EML5: variants seen among roughly 807,000 people sequenced by gnomAD.
The protein encoded by EML5 is EMAP like 5, also known as echinoderm microtubule-associated protein-like 5.
EML5 carries 120 observed loss-of-function variants against 250.0 expected under a neutral mutation model. The observed-to-expected ratio is 0.48, with a 90% CI of 0.41 to 0.56. The LOEUF (loss-of-function observed/expected upper bound fraction) is 0.56, where lower values mean the gene tolerates loss of function less well. Ranked by LOEUF, EML5 falls within the 20% of genes least tolerant of loss-of-function variation. The pLI is 0.00. For missense variants in EML5, 2,006 were observed against 2,437.6 expected (o/e 0.82, Z 3.73); for synonymous variants, 771 against 806.5 (o/e 0.96, Z 0.75).
At chr14:88,660,014 G>A (rs1022607290) in intron 25 of EML5, among the ~76,000 whole-genome samples, 1 of 151,982 alleles carries the variant, frequency 6.6e-6, no homozygotes, top group South Asian at 2.1e-4. Context: ...AGTGACTCGC[G>A]CCTGTAATCC....
chr14:88,646,691 C>T (rs2091365345), intron 29 of EML5, among the ~76,000 whole-genome samples: 1 of 151,776 alleles, frequency 6.6e-6, no homozygotes, highest in South Asian at 2.1e-4. Context: ...TATATCATTG[C>T]TGAAAATAAA....
intron 31 of EML5, among the ~76,000 whole-genome samples, chr14:88,640,200 A>C (rs2090982352): frequency 6.6e-6 from 1 of 152,196 alleles, no homozygotes. Flanking sequence ...TCAATACTTG[A>C]CCAATTGGAC....
chr14:88,685,628 T>C (rs764368668), intron 19 of EML5, among the ~76,000 whole-genome samples: 12 of 152,050 alleles, frequency 7.9e-5, no homozygotes, highest in African/African-American at 1.2e-4. Flanking sequence ...TATTTTTTTT[T>C]TCAGTAGGGT....
chr14:88,617,079 T>G (rs1400670858), intron 41 of EML5, 200 bp from the exon 42 acceptor site: 2 of 460,900 alleles, frequency 4.3e-6, no homozygotes, highest in African/African-American at 3.9e-5. Context: ...ATTTTATAAT[T>G]TGAAGGGTTT....
rs1392733552 is a variant in EML5 at position 88,622,609 on chromosome 14, C to G, written c.5008G>C (p.Gly1670Arg). ...ATDCVRSVCR[G>R]KGKILVGTRN... is the part of the protein sequence containing the mutation. ...CAGCTCATGGAACATCTTACTTTGCCTCTGCACACAGAACGAACACAATCT... is the reference window on the plus strand; with the variant it reads ...CAGCTCATGGAACATCTTACTTTGCGTCTGCACACAGAACGAACACAATCT... The change falls in exon 37 of 44, where the codon GGC becomes CGC. Residue 1670 changes from glycine to arginine, a missense_variant. Coordinates refer to ENST00000554922, the MANE Select transcript of EML5 (RefSeq NM_183387.3). 6.2e-7 allele frequency: 1 copy of G among 1,600,448 alleles called. No individual in the cohort carries two copies. The highest frequency in any genetic ancestry group is 1.1e-5 in the South Asian group (1 of 88,212).
intron 21 of EML5, among the ~76,000 whole-genome samples, chr14:88,677,871 T>C (rs1245792162): frequency 1.3e-5 from 2 of 152,178 alleles, no homozygotes; most frequent in Non-Finnish European, 2.9e-5. Context: ...GCTCAACCAT[T>C]GTGGAAGACG....
intron 34 of EML5, 79 bp from the exon 35 acceptor site, chr14:88,627,125 C>T: frequency 6.9e-7 from 1 of 1,456,814 alleles, no homozygotes; most frequent in Non-Finnish European, 9.5e-7. Context: ...ATGTAAAATA[C>T]ATAGTTCAAA....
chr14:88,654,138 C>T (rs1453204993), intron 27 of EML5, among the ~76,000 whole-genome samples: 2 of 152,116 alleles, frequency 1.3e-5, no homozygotes, highest in African/African-American at 2.4e-5. Flanking sequence ...TCCTCTTTAA[C>T]ATTTTTTATT....
chr14:88,661,262 T>C (rs561704774), intron 25 of EML5, among the ~76,000 whole-genome samples: 5 of 152,240 alleles, frequency 3.3e-5, no homozygotes, highest in African/African-American at 1.2e-4. Flanking sequence ...CTAATTTTTT[T>C]CTCTGTTTTG....
intron 1 of EML5, among the ~76,000 whole-genome samples, chr14:88,783,826 G>C (rs1164303598): frequency 2.6e-5 from 4 of 152,140 alleles, no homozygotes; most frequent in Admixed American, 2.6e-4. Flanking sequence ...ATAGATATTT[G>C]CAGAATATTT....
At chr14:88,779,872 T>G (rs914099260) in intron 1 of EML5, among the ~76,000 whole-genome samples, 1 of 152,174 alleles carries the variant, frequency 6.6e-6, no homozygotes, top group African/African-American at 2.4e-5. Context: ...CATTTCCAAT[T>G]CAAATCCAGA....
At position 88,685,068 on chromosome 14, in the gene EML5, T is replaced by C. The variant is rs757581221; in HGVS notation, c.2929A>G (p.Asn977Asp). Residue 977 changes from asparagine to aspartate, a missense_variant, in exon 20 of 44, where the codon AAT becomes GAT. Physicochemically the swap from Asn to Asp is conservative, Grantham distance 23. Coordinates refer to ENST00000554922, the MANE Select transcript of EML5 (RefSeq NM_183387.3). ...GHGHILVGTK[N>D]GEILEVDKSG... The stretch of plus-strand genomic sequence containing the variant: ...TTATCCACTTCTAGTATTTCACCAT[T>C]CTTTGTGCCAACTAAAATATGACCA... 1.2e-6 allele frequency: 2 copies of C among 1,611,850 alleles called. No homozygotes were observed. Among genetic ancestry groups the C allele is most frequent in the African/African-American group, 2.7e-5 (2 of 74,852 alleles).
At chr14:88,683,515 CCAGA>C (rs1315812218) in intron 20 of EML5, among the ~76,000 whole-genome samples, 2 of 152,248 alleles carry the variant, frequency 1.3e-5, no homozygotes, top group East Asian at 3.9e-4. Flanking sequence ...GATATCAAAG[CCAGA>C]CAAAGATATC....
At chr14:88,721,680 G>A (rs1230965602) in intron 8 of EML5, among the ~76,000 whole-genome samples, 1 of 152,098 alleles carries the variant, frequency 6.6e-6, no homozygotes, top group Non-Finnish European at 1.5e-5. Flanking sequence ...AGAAAATCTA[G>A]GCAATGCCAT....
At chr14:88,632,696 AC>A (rs1021248754) in intron 33 of EML5, among the ~76,000 whole-genome samples, 1 of 152,218 alleles carries the variant, frequency 6.6e-6, no homozygotes, top group Non-Finnish European at 1.5e-5. Flanking sequence ...GTGTGTAAGA[AC>A]TTCTGAAGTG....
At chr14:88,623,903 G>A (rs2089499694) in intron 36 of EML5, 1 of 152,198 alleles carries the variant, frequency 6.6e-6, no homozygotes, top group African/African-American at 2.4e-5. Context: ...GCTGAAAAAT[G>A]TATTCCTTCC....
intron 32 of EML5, among the ~76,000 whole-genome samples, chr14:88,636,270 T>G (rs928302419): frequency 6.6e-6 from 1 of 152,160 alleles, no homozygotes; most frequent in Non-Finnish European, 1.5e-5. Context: ...CATGGTCCAG[T>G]GGAGAAGTAG....
intron 29 of EML5, among the ~76,000 whole-genome samples, chr14:88,644,967 C>A (rs2091272558): frequency 6.6e-6 from 1 of 152,036 alleles, no homozygotes; most frequent in South Asian, 2.1e-4. Flanking sequence ...CCGCCTGGGC[C>A]TCCCAGAGTG....
At chr14:88,706,125 T>C in intron 11 of EML5, 134 bp downstream of exon 11, 1 of 819,560 alleles carries the variant, frequency 1.2e-6, no homozygotes, top group Non-Finnish European at 1.8e-6. Context: ...ATATTTTAAC[T>C]TGAAATTTCT....
Sources: gnomAD v4.1 joint callset for allele counts (sites outside exome capture counted in the v4.1 genomes callset) on GRCh38, gnomAD v4.1.1 for gene constraint, MANE v1.5 for transcripts, NCBI Gene and HGNC (gene_info 2026-07-23, HGNC 2026-07-21) for gene names.